Variants in CC2D2B observed in about 807,000 individuals in gnomAD.
CC2D2B encodes the protein protein CC2D2B.
Under a neutral mutation model 161.2 loss-of-function variants are expected in CC2D2B, and 128 were observed. The observed-to-expected ratio is 0.79, with a 90% CI of 0.69 to 0.92. The LOEUF (loss-of-function observed/expected upper bound fraction) is 0.92. Ranked by LOEUF, CC2D2B falls within the 40% of genes least tolerant of loss-of-function variation. CC2D2B has a pLI of 0.00. For missense variants in CC2D2B, 1,173 were observed against 1,375.1 expected, an observed-to-expected ratio of 0.85 and a Z score of 2.32; for synonymous variants, 391 against 449.8, an observed-to-expected ratio of 0.87 and a Z score of 1.65.
At chr10:96,017,870 G>A (rs61869178) in intron 30 of CC2D2B, among the ~76,000 whole-genome samples, 7,876 of 152,198 alleles carry the variant, frequency 0.052, 263 homozygotes, top group Middle Eastern at 0.088. Flanking sequence ...CTGGGAGGTC[G>A]AGGCTGCAGT....
intron 24 of CC2D2B, among the ~76,000 whole-genome samples, chr10:96,003,242 C>T (rs1441879224): frequency 6.6e-6 from 1 of 151,774 alleles, no homozygotes; most frequent in African/African-American, 2.4e-5. Flanking sequence ...AGTGCACAAA[C>T]TGGAGCTGAG....
At chr10:96,015,499 A>C (rs890163075) in intron 29 of CC2D2B, among the ~76,000 whole-genome samples, 4 of 151,058 alleles carry the variant, frequency 2.6e-5, no homozygotes, top group Admixed American at 1.3e-4. Flanking sequence ...CCAGAAATCC[A>C]GAGTTTTCTA....
At position 95,993,942 on chromosome 10, in the gene CC2D2B, G is replaced by A. The variant is rs77851066; in HGVS notation, c.2642+1245G>A. On this transcript the variant is annotated intron_variant, in intron 22 of 34. Coordinates refer to ENST00000646931, the MANE Select transcript of CC2D2B (RefSeq NM_001349008.3). ...TGTGTGTGTGTGTGTGTGTGTGTGT[G>A]TATGTATGTGTATATATATATATAT... is the stretch of plus-strand genomic sequence containing the variant. Among the ~76,000 whole-genome samples the A allele has an allele frequency of 9.8e-3, 247 of 25,194 alleles. 1 individual carries two copies. Among genetic ancestry groups the A allele is most frequent in the Non-Finnish European group, 0.02 (187 of 9,516 alleles). The allele number at this position is 25,194 out of a possible 152,430, so 16.5% of individuals were successfully genotyped here.
chr10:95,984,352 T>C (rs2077635574), intron 19 of CC2D2B, among the ~76,000 whole-genome samples: 1 of 152,184 alleles, frequency 6.6e-6, no homozygotes, highest in African/African-American at 2.4e-5. Flanking sequence ...GATCAAATAT[T>C]AGATAATATT....
chr10:96,012,185 A>C lies in CC2D2B; in HGVS notation c.3046A>C (p.Ile1016Leu). 1.5e-6 allele frequency: 1 copy of C among 679,416 alleles called. No individual in the cohort carries two copies. The highest frequency in any genetic ancestry group is 2.7e-6 in the Non-Finnish European group (1 of 371,094). 42.1% of individuals were successfully genotyped at this position (679,416 alleles called of 1,614,324 possible). Reference protein sequence around the residue: ...PFSALLQQSEISGTFQVTIPP... With the variant: ...PFSALLQQSELSGTFQVTIPP... ...CCATTATACTGATATACTCTTTCAGATTAGTGGAACATTTCAAGTAACTAT... is the reference window on the plus strand; with the variant it reads ...CCATTATACTGATATACTCTTTCAGCTTAGTGGAACATTTCAAGTAACTAT... Residue 1016 changes from isoleucine to leucine, a missense_variant and splice_region_variant, in exon 27 of 35, where the codon ATT (isoleucine) becomes CTT (leucine). Ile to Leu is a conservative substitution (Grantham distance 5). Transcript: ENST00000646931.
At chr10:96,000,295 T>C in intron 24 of CC2D2B, 1 of 729,730 alleles carries the variant, frequency 1.4e-6, no homozygotes, top group Non-Finnish European at 1.7e-6. Flanking sequence ...GATACTTTTC[T>C]CTATTTTTCT....
At chr10:95,953,096 T>C (rs557468165) in intron 10 of CC2D2B, among the ~76,000 whole-genome samples, 1 of 152,330 alleles carries the variant, frequency 6.6e-6, no homozygotes, top group Admixed American at 6.5e-5. Flanking sequence ...AGAATATATA[T>C]ATTTTTCTAG....
chr10:95,972,243 C>G, intron 16 of CC2D2B, 27 bp downstream of exon 16: 1 of 1,226,320 alleles, frequency 8.2e-7, no homozygotes, highest in Non-Finnish European at 1.0e-6. Context: ...TATTACATTC[C>G]CCCTATTTTC....
chr10:95,922,270 A>T (rs2098528851), intron 3 of CC2D2B, among the ~76,000 whole-genome samples, 194 bp downstream of exon 3: 1 of 152,200 alleles, frequency 6.6e-6, no homozygotes, highest in Admixed American at 6.5e-5. Context: ...AATAAACCTG[A>T]ATTTCATTTT....
intron 24 of CC2D2B, chr10:96,000,034 A>G (rs1047859469): frequency 9.8e-6 from 14 of 1,424,424 alleles, no homozygotes; most frequent in Admixed American, 3.6e-5. Context: ...CAATGCCAAC[A>G]GCATGTTGGG....
rs185836218 is a variant in CC2D2B at position 95,967,678 on chromosome 10, T to A, written c.1467-1046T>A. Among the ~76,000 whole-genome samples, 728 of 152,286 alleles carry A rather than the reference T, an allele frequency of 4.8e-3. 3 individuals carry two copies. Among genetic ancestry groups the A allele is most frequent in the Non-Finnish European group, 5.4e-3 (370 of 67,998 alleles). On this transcript the variant is annotated intron_variant, in intron 14 of 34. Coordinates refer to ENST00000646931, the MANE Select transcript of CC2D2B (RefSeq NM_001349008.3). ...CAAACTTTTAAAATCAAATTCAAAT[T>A]TTTAAAATCAATACTTTTAGAGGGC...
intron 10 of CC2D2B, among the ~76,000 whole-genome samples, chr10:95,951,255 T>C (rs572759350): frequency 9.1e-4 from 139 of 152,222 alleles, no homozygotes; most frequent in African/African-American, 3.2e-3. Context: ...GCTCAAGCTG[T>C]CCTCCCACTT....
At position 95,921,999 on chromosome 10, in the gene CC2D2B, C is replaced by A; in HGVS notation, c.37-17C>A. ...CAAAACAAGATGCAAGTTTAACCCT[C>A]CCTGCTTTTTTTGCAGATGTCAGAA... On this transcript the variant is annotated splice_polypyrimidine_tract_variant and intron_variant, in intron 2 of 34. Transcript: ENST00000646931. 1 of 1,477,582 alleles carries A rather than the reference C, an allele frequency of 6.8e-7. No individual in the cohort carries two copies. Among genetic ancestry groups the A allele is most frequent in the Non-Finnish European group, 9.1e-7 (1 of 1,093,314 alleles). 91.5% of individuals were successfully genotyped at this position (1,477,582 alleles called of 1,614,324 possible).
At chr10:96,009,525 A>G (rs1272180404) in intron 25 of CC2D2B, among the ~76,000 whole-genome samples, 2 of 152,220 alleles carry the variant, frequency 1.3e-5, no homozygotes, top group Non-Finnish European at 2.9e-5. Flanking sequence ...GTGTAAGAGC[A>G]GGATACTATA....
At chr10:95,969,206 G>A (rs1353434360) in intron 15 of CC2D2B, among the ~76,000 whole-genome samples, 2 of 152,326 alleles carry the variant, frequency 1.3e-5, no homozygotes, top group Admixed American at 1.3e-4. Context: ...ACAGGATAAT[G>A]AGTAGCATAG....
At chr10:95,910,453 TAAAG>T (rs1334469772) in intron 1 of CC2D2B, among the ~76,000 whole-genome samples, 2 of 151,630 alleles carry the variant, frequency 1.3e-5, no homozygotes, top group Non-Finnish European at 2.9e-5. Flanking sequence ...AGAGAGGAAA[TAAAG>T]GAAGGAGGGG....
intron 15 of CC2D2B, 78 bp from the exon 16 acceptor site, chr10:95,971,988 T>A (rs1322437726): frequency 1.5e-6 from 1 of 679,268 alleles, no homozygotes; most frequent in Non-Finnish European, 2.1e-6. Context: ...AAAAAATATA[T>A]GTTGTTAAGG....
chr10:96,012,151 A>T lies in CC2D2B; in HGVS notation c.3046-34A>T, dbSNP rs1170991896. The T allele has an allele frequency of 6.8e-6, 4 of 587,344 alleles. No homozygotes were observed. In the Admixed American group the frequency reaches 1.3e-4, roughly 20 times the overall value. The allele number at this position is 587,344 out of a possible 1,614,324, so 36.4% of individuals were successfully genotyped here. On this transcript the variant is annotated intron_variant, in intron 26 of 34. Transcript: ENST00000646931. ...TATTTGACTGATGTTTATTTTCATCATGCATAATCCATTATACTGATATAC... is the reference window on the plus strand; with the variant it reads ...TATTTGACTGATGTTTATTTTCATCTTGCATAATCCATTATACTGATATAC...
intron 4 of CC2D2B, 38 bp downstream of exon 4, chr10:95,924,428 A>G (rs1337467696): frequency 1.7e-6 from 2 of 1,146,524 alleles, no homozygotes; most frequent in East Asian, 2.6e-5. Flanking sequence ...CAAATTTACT[A>G]TTTAAATGAG....
Sources: gnomAD v4.1 joint callset for allele counts (sites outside exome capture counted in the v4.1 genomes callset) on GRCh38, gnomAD v4.1.1 for gene constraint, MANE v1.5 for transcripts, NCBI Gene and HGNC (gene_info 2026-07-23, HGNC 2026-07-21) for gene names.